Variants in TTC28 observed in about 807,000 individuals in gnomAD.
TTC28 encodes tetratricopeptide repeat protein 28.
A neutral mutation model predicts 198.0 loss-of-function variants in TTC28; 61 were observed. That is an observed-to-expected ratio of 0.31 (90% confidence interval 0.25 to 0.38). The LOEUF is 0.38. TTC28 is among the 10% of genes least tolerant of loss of function. The probability of loss-of-function intolerance (pLI) is 1.00; values close to 1 mark genes in which losing one functional copy is unlikely to be tolerated. For synonymous variants in TTC28, 1,171 were observed against 1,297.8 expected, an observed-to-expected ratio of 0.90 and a Z score of 2.10; for missense variants, 2,678 against 3,164.0, an observed-to-expected ratio of 0.85 and a Z score of 3.69.
chr22:28,017,980 GGCC>G (rs1317472724), intron 13 of TTC28, among the ~76,000 whole-genome samples: 1 of 152,208 alleles, frequency 6.6e-6, no homozygotes, highest in Non-Finnish European at 1.5e-5. Flanking sequence ...GCTCTCTCCA[GGCC>G]GCCAAGCCCA....
chr22:28,261,766 G>A (rs1931339404), intron 5 of TTC28, among the ~76,000 whole-genome samples: 1 of 152,066 alleles, frequency 6.6e-6, no homozygotes, highest in Non-Finnish European at 1.5e-5. Context: ...TATTGCTGAG[G>A]TTGGTCTTGA....
intron 2 of TTC28, among the ~76,000 whole-genome samples, chr22:28,352,333 A>ATATCTATCTATCTATC (rs2046011335): frequency 7.1e-6 from 1 of 141,498 alleles, no homozygotes; most frequent in African/African-American, 2.6e-5. Flanking sequence ...ATATATATAT[A>ATATCTATCTATCTATC]TATCTCCCGG....
At chr22:28,009,796 G>A (rs1938071279) in intron 14 of TTC28, among the ~76,000 whole-genome samples, 1 of 152,244 alleles carries the variant, frequency 6.6e-6, no homozygotes, top group Non-Finnish European at 1.5e-5. Flanking sequence ...CCTGGCACAA[G>A]TCAGTAAATA....
chr22:28,604,297 T>TTTTA (rs1555900567), intron 2 of TTC28, among the ~76,000 whole-genome samples: 9 of 114,142 alleles, frequency 7.9e-5, no homozygotes, highest in Non-Finnish European at 1.3e-4. Flanking sequence ...AAAAAAAAAA[T>TTTTA]TATATATATA....
At chr22:28,190,392 C>A (rs773415937) in intron 5 of TTC28, among the ~76,000 whole-genome samples, 10 of 152,180 alleles carry the variant, frequency 6.6e-5, no homozygotes, top group Non-Finnish European at 1.5e-4. Context: ...CCCAGTCATT[C>A]CAGCTCAAGA....
intron 2 of TTC28, among the ~76,000 whole-genome samples, chr22:28,592,770 C>G (rs2050456560): frequency 1.3e-5 from 2 of 152,106 alleles, no homozygotes. Flanking sequence ...TTTATTCTAT[C>G]TTTTTTGTTT....
At chr22:28,401,619 T>C (rs2046910164) in intron 2 of TTC28, among the ~76,000 whole-genome samples, 2 of 150,764 alleles carry the variant, frequency 1.3e-5, no homozygotes, top group Admixed American at 6.6e-5. Context: ...TCTCAAAAAA[T>C]AAAACAAAAT....
At chr22:28,111,617 C>G (rs1296726253) in intron 6 of TTC28, among the ~76,000 whole-genome samples, 1 of 152,072 alleles carries the variant, frequency 6.6e-6, no homozygotes, top group Non-Finnish European at 1.5e-5. Context: ...AAATATCTGC[C>G]CAGCCATGAG....
At position 28,655,780 on chromosome 22, in the gene TTC28, GGCGGA is replaced by G. The variant is rs775952282; in HGVS notation, c.102+23837_102+23841del. 1.9e-4 allele frequency among the ~76,000 whole-genome samples: 29 copies of G among 152,086 alleles called. No homozygotes were observed. The East Asian group carries it at 2.9e-3, about 15-fold the overall frequency. ...GCAGGAGAATGGCGTGAACCCGGGA[GGCGGA>G]GCTTGCAGTGAGCCGAGATTGTGCC... On this transcript the variant is annotated intron_variant, in intron 1 of 22. Coordinates refer to ENST00000397906, the MANE Select transcript of TTC28 (RefSeq NM_001145418.2).
intron 12 of TTC28, among the ~76,000 whole-genome samples, chr22:28,055,531 C>A (rs1244827304): frequency 6.6e-6 from 1 of 152,148 alleles, no homozygotes; most frequent in African/African-American, 2.4e-5. Context: ...AATAGACCTC[C>A]GCTTAATGTC....
At chr22:28,622,040 G>C (rs2051008786) in intron 2 of TTC28, among the ~76,000 whole-genome samples, 1 of 152,102 alleles carries the variant, frequency 6.6e-6, no homozygotes, top group Non-Finnish European at 1.5e-5. Context: ...ATTTTAAAAA[G>C]CTACCTGAAA....
chr22:28,308,696 G>A (rs370384909), intron 2 of TTC28, among the ~76,000 whole-genome samples: 46 of 152,174 alleles, frequency 3.0e-4, no homozygotes, highest in East Asian at 1.2e-3. Context: ...TTCTTAGAAC[G>A]CTTACAAATT....
intron 15 of TTC28, chr22:27,999,580 C>T: frequency 3.1e-6 from 1 of 325,352 alleles, no homozygotes; most frequent in East Asian, 6.1e-5. Flanking sequence ...CAGCCTGCTC[C>T]ACAATCCTCA....
chr22:28,640,379 T>G (rs1028996428), intron 1 of TTC28, among the ~76,000 whole-genome samples: 3 of 147,768 alleles, frequency 2.0e-5, no homozygotes, highest in African/African-American at 2.5e-5. Flanking sequence ...GATACACATA[T>G]AATTAGAATT....
At chr22:28,522,914 T>C (rs2048936064) in intron 2 of TTC28, among the ~76,000 whole-genome samples, 2 of 151,872 alleles carry the variant, frequency 1.3e-5, no homozygotes, top group Middle Eastern at 6.8e-3. Flanking sequence ...CGTTAATGGG[T>C]AAAGGGTTTC....
At chr22:28,298,166 C>T (rs73427770) in intron 3 of TTC28, among the ~76,000 whole-genome samples, 4,239 of 152,244 alleles carry the variant, frequency 0.028, 205 homozygotes, top group African/African-American at 0.098. Context: ...CAAAATATTA[C>T]AGGCACATCC....
intron 2 of TTC28, among the ~76,000 whole-genome samples, chr22:28,428,610 A>G (rs1361313589): frequency 4.3e-5 from 3 of 69,882 alleles, no homozygotes; most frequent in Admixed American, 1.3e-4. Context: ...ATGAATTATT[A>G]TTTTATTTTA....
At chr22:28,287,795 A>G (rs745874982) in intron 5 of TTC28, among the ~76,000 whole-genome samples, 6 of 152,162 alleles carry the variant, frequency 3.9e-5, no homozygotes, top group Non-Finnish European at 7.4e-5. Context: ...GATCAGAACT[A>G]AATTTTAGAA....
At chr22:28,301,238 G>T (rs1050545195) in intron 3 of TTC28, among the ~76,000 whole-genome samples, 1 of 152,102 alleles carries the variant, frequency 6.6e-6, no homozygotes, top group Non-Finnish European at 1.5e-5. Context: ...GTAAACTTGG[G>T]CTATTAGCAA....
Sources: allele counts gnomAD v4.1 joint callset (sites outside exome capture counted in the v4.1 genomes callset), GRCh38; gene constraint gnomAD v4.1.1; transcripts MANE v1.5; gene names NCBI Gene and HGNC (gene_info 2026-07-23, HGNC 2026-07-21).